The following PALM2AKAP2 variants were observed in gnomAD, a reference collection of about 807,000 sequenced individuals.
The protein encoded by PALM2AKAP2 is PALM2 and AKAP2 fusion, also known as PALM2-AKAP2 fusion protein.
PALM2AKAP2 carries 37 observed loss-of-function variants against 71.5 expected under a neutral mutation model. The ratio of observed to expected loss-of-function variants is 0.52; its 90% CI spans 0.40 to 0.68. The LOEUF is 0.68. PALM2AKAP2 is among the 30% of genes least tolerant of loss of function. The pLI is 0.00. For synonymous variants in PALM2AKAP2, 468 were observed against 478.8 expected (o/e 0.98, Z 0.29); for missense variants, 1,224 against 1,191.8 (o/e 1.03, Z -0.40).
At chr9:110,018,809 A>G (rs949367763) in intron 7 of PALM2AKAP2, among the ~76,000 whole-genome samples, 3 of 152,166 alleles carry the variant, frequency 2.0e-5, no homozygotes, top group Non-Finnish European at 1.5e-5. Context: ...GCAGTCATTG[A>G]CTTTTTTCCT....
At chr9:109,932,408 A>G (rs1235521028) in intron 6 of PALM2AKAP2, among the ~76,000 whole-genome samples, 1 of 152,208 alleles carries the variant, frequency 6.6e-6, no homozygotes, top group Non-Finnish European at 1.5e-5. Context: ...GCTGGATGGG[A>G]AATATTTTCA....
In PALM2AKAP2 at chr9:109,680,579, A is replaced by G. The variant is rs112471886; in HGVS notation, c.5+39713A>G. Among the ~76,000 whole-genome samples the G allele has an allele frequency of 4.8e-3, 738 of 152,316 alleles. 6 individuals are homozygous for G. Among genetic ancestry groups the G allele is most frequent in the African/African-American group, 0.017 (716 of 41,578 alleles). On this transcript the variant is annotated intron_variant, in intron 1 of 6. Transcript: ENST00000374531. ...ATCCTATAAAATGTCTAGGATTACA[A>G]TTTTTTTAAAGAAGGAATTATATTG...
At chr9:109,786,699 T>G (rs1826977622) in intron 1 of PALM2AKAP2, among the ~76,000 whole-genome samples, 1 of 152,260 alleles carries the variant, frequency 6.6e-6, no homozygotes, top group Middle Eastern at 3.4e-3. Flanking sequence ...CCCTGCTACT[T>G]ATTTGTACCT....
intron 3 of PALM2AKAP2, among the ~76,000 whole-genome samples, chr9:109,913,785 C>G (rs1433542748): frequency 7.6e-6 from 1 of 131,280 alleles, no homozygotes; most frequent in Non-Finnish European, 1.5e-5. Context: ...GAGACGGAGT[C>G]TGGCTCTGTT....
intron 1 of PALM2AKAP2, among the ~76,000 whole-genome samples, chr9:109,712,894 G>A (rs575065448): frequency 4.6e-5 from 7 of 152,346 alleles, no homozygotes; most frequent in African/African-American, 1.4e-4. Context: ...CTTCTGAGCT[G>A]AGCTGAAGTG....
chr9:109,797,216 T>C (rs1263382459), intron 1 of PALM2AKAP2, among the ~76,000 whole-genome samples: 1 of 152,198 alleles, frequency 6.6e-6, no homozygotes, highest in Non-Finnish European at 1.5e-5. Context: ...GCTATCTAAG[T>C]TCTCACTCCG....
chr9:110,076,492 C>CATATATATATATATATGTATATATAT, intron 1 of PALM2AKAP2, among the ~76,000 whole-genome samples: 1 of 106,760 alleles, frequency 9.4e-6, no homozygotes, highest in Non-Finnish European at 1.9e-5. Context: ...ATATATTCTA[C>CATATATATATATATATGTATATATAT]ATATATATAT....
intron 6 of PALM2AKAP2, among the ~76,000 whole-genome samples, chr9:109,947,679 T>C (rs1184022400): frequency 6.6e-6 from 1 of 152,210 alleles, no homozygotes; most frequent in Non-Finnish European, 1.5e-5. Context: ...TCATCTCTGC[T>C]CATCCCTGGA....
intron 6 of PALM2AKAP2, among the ~76,000 whole-genome samples, chr9:109,993,957 T>C (rs1195458280): frequency 2.0e-5 from 3 of 152,076 alleles, no homozygotes; most frequent in African/African-American, 7.2e-5. Context: ...CCTTTCTTTT[T>C]CCTCCTGCCT....
At chr9:110,008,016 C>A (rs1832816128) in intron 6 of PALM2AKAP2, among the ~76,000 whole-genome samples, 1 of 152,146 alleles carries the variant, frequency 6.6e-6, no homozygotes, top group Non-Finnish European at 1.5e-5. Flanking sequence ...GGAATGGGGG[C>A]CTTATGACTA....
At chr9:110,040,928 A>G (rs1310497726) in intron 7 of PALM2AKAP2, among the ~76,000 whole-genome samples, 6 of 152,180 alleles carry the variant, frequency 3.9e-5, no homozygotes, top group African/African-American at 1.4e-4. Context: ...CTTAAAGAGT[A>G]CCTTGTTGTA....
intron 3 of PALM2AKAP2, among the ~76,000 whole-genome samples, chr9:109,903,958 T>C (rs1830386345): frequency 6.6e-6 from 1 of 152,244 alleles, no homozygotes; most frequent in Non-Finnish European, 1.5e-5. Flanking sequence ...TCTACAGATA[T>C]TCCTGAATAT....
intron 1 of PALM2AKAP2, among the ~76,000 whole-genome samples, chr9:109,663,831 T>A (rs1827437702): frequency 6.6e-6 from 1 of 152,204 alleles, no homozygotes; most frequent in African/African-American, 2.4e-5. Flanking sequence ...TAAGTCTCTT[T>A]GTAGGTCTCT....
chr9:110,146,810 G>C (rs568629944), intron 2 of PALM2AKAP2, among the ~76,000 whole-genome samples: 2 of 152,262 alleles, frequency 1.3e-5, no homozygotes, highest in South Asian at 4.1e-4. Flanking sequence ...GTATGGGGCA[G>C]ACAATTAGAG....
chr9:109,978,974 C>T (rs1245923996), intron 6 of PALM2AKAP2, among the ~76,000 whole-genome samples: 1 of 151,908 alleles, frequency 6.6e-6, no homozygotes, highest in African/African-American at 2.4e-5. Context: ...CCACAAGCCT[C>T]TCTGCTCCAG....
At chr9:109,812,301 C>T (rs1038506517) in intron 1 of PALM2AKAP2, among the ~76,000 whole-genome samples, 5 of 152,062 alleles carry the variant, frequency 3.3e-5, no homozygotes, top group African/African-American at 1.2e-4. Context: ...AAGCCCTGCT[C>T]CTGAGTTGCT....
At chr9:109,640,966 T>A (rs1376678872) in intron 1 of PALM2AKAP2, 1 of 1,408,298 alleles carries the variant, frequency 7.1e-7, no homozygotes, top group African/African-American at 1.5e-5. Context: ...GCGTCCAGGA[T>A]GGGTGTTTAA....
intron 1 of PALM2AKAP2, among the ~76,000 whole-genome samples, chr9:110,130,467 A>G (rs989547852): frequency 2.6e-5 from 4 of 152,212 alleles, no homozygotes; most frequent in Non-Finnish European, 5.9e-5. Context: ...CAAAACTATT[A>G]AACACTTTTT....
At chr9:110,156,428 G>A in exon 3 of PALM2AKAP2, 1 of 1,612,942 alleles carries the variant, frequency 6.2e-7, no homozygotes, top group South Asian at 1.1e-5. Context: ...CCAAGAATCT[G>A]ATGCAGACCC....
Sources: allele counts gnomAD v4.1 joint callset (sites outside exome capture counted in the v4.1 genomes callset), GRCh38; gene constraint gnomAD v4.1.1; transcripts MANE v1.5; gene names NCBI Gene and HGNC (gene_info 2026-07-23, HGNC 2026-07-21).